The following EFTUD2 variants were observed in gnomAD, a reference collection of about 807,000 sequenced individuals.
EFTUD2 encodes 116 kDa U5 small nuclear ribonucleoprotein component.
In EFTUD2, 9 loss-of-function variants were observed where a neutral mutation model predicts 114.3. That is an observed-to-expected ratio of 0.08 (90% CI 0.05 to 0.14). EFTUD2 has a LOEUF of 0.14. EFTUD2 is among the 10% of genes least tolerant of loss of function. EFTUD2 has a pLI of 1.00. For synonymous variants in EFTUD2, 449 were observed against 462.3 expected (o/e 0.97, Z 0.37); for missense variants, 765 against 1,241.2 (o/e 0.62, Z 5.76).
intron 2 of EFTUD2, 65 bp downstream of exon 2, chr17:44,894,352 G>A (rs550408698): frequency 7.4e-7 from 1 of 1,357,860 alleles, no homozygotes; most frequent in South Asian, 1.2e-5. Context: ...CCTGGCAAGA[G>A]AGTGAGATCT....
Position 44,854,266 on chromosome 17 carries a change from T to C in EFTUD2, c.2347+3A>G, listed in dbSNP as rs2050507033. The C allele has an allele frequency of 1.2e-6, 2 of 1,611,954 alleles. No homozygotes were observed. The highest frequency in any genetic ancestry group is 1.7e-5 in the Admixed American group (1 of 59,660). ...TGGGGTGGGGGAGTGCTGGTGGACTTACATTCATCACAGAGGGGGCCCTCC... is the reference window on the plus strand; with the variant it reads ...TGGGGTGGGGGAGTGCTGGTGGACTCACATTCATCACAGAGGGGGCCCTCC... On this transcript the variant is annotated splice_donor_region_variant and intron_variant, in intron 23 of 27. Transcript: ENST00000426333. The surrounding 1 kb of genome is among the most constrained non-coding windows in gnomAD (Gnocchi z 4.3).
intron 1 of EFTUD2, among the ~76,000 whole-genome samples, chr17:44,896,467 G>A (rs1398391577): frequency 1.3e-5 from 2 of 152,156 alleles, no homozygotes; most frequent in African/African-American, 4.8e-5. Flanking sequence ...CTAACACAGT[G>A]AAACCCCGTC....
At chr17:44,895,924 T>A (rs999827817) in intron 1 of EFTUD2, 1 of 152,244 alleles carries the variant, frequency 6.6e-6, no homozygotes, top group African/African-American at 2.4e-5. Context: ...ATCTTCAGTC[T>A]TTCCTTCCAA....
At chr17:44,859,643 A>G (rs531295956) in intron 18 of EFTUD2, 438 of 344,322 alleles carry the variant, frequency 1.3e-3, no homozygotes, top group Middle Eastern at 5.7e-3. Flanking sequence ...ACAAATACGC[A>G]CACACACACA....
At chr17:44,871,302 G>A (rs568640187) in intron 11 of EFTUD2, among the ~76,000 whole-genome samples, 6 of 151,992 alleles carry the variant, frequency 3.9e-5, no homozygotes, top group Admixed American at 1.3e-4. Flanking sequence ...TGGGATTACA[G>A]GCGTGAGCCA....
intron 14 of EFTUD2, among the ~76,000 whole-genome samples, chr17:44,864,465 T>C (rs562499446): frequency 3.3e-5 from 5 of 152,168 alleles, no homozygotes; most frequent in Non-Finnish European, 7.3e-5. Context: ...TGGCCCAGGG[T>C]CATCTCATGG....
rs186667133 is a variant in EFTUD2 at position 44,854,229 on chromosome 17, A to G, written c.2347+40T>C. 6.4e-7 allele frequency: 1 copy of G among 1,572,690 alleles called. No homozygotes were observed. Among genetic ancestry groups the G allele is most frequent in the Non-Finnish European group, 8.6e-7 (1 of 1,158,368 alleles). On this transcript the variant is annotated intron_variant, in intron 23 of 27. Coordinates refer to ENST00000426333, the MANE Select transcript of EFTUD2 (RefSeq NM_004247.4). This position sits in a 1 kb window ranked among gnomAD's most constrained non-coding sequence, Gnocchi z 4.3. ...CCCACTCATATGCCTGGCTGCAAGG[A>G]CCCTCGAGGACTGGGGTGGGGGAGT...
At chr17:44,884,149 TC>T in intron 4 of EFTUD2, 1 of 166,276 alleles carries the variant, frequency 6.0e-6, no homozygotes, top group Non-Finnish European at 1.3e-5. Context: ...ACGCCTGTAA[TC>T]CCAACACTTT....
intron 24 of EFTUD2, 27 bp from the exon 25 acceptor site, chr17:44,853,417 C>T: frequency 6.2e-6 from 10 of 1,613,948 alleles, no homozygotes; most frequent in Non-Finnish European, 8.5e-6. Flanking sequence ...AGAAAGGCCC[C>T]TCAGCTTGGG....
At position 44,854,176 on chromosome 17, in the gene EFTUD2, T is replaced by G; in HGVS notation, c.2347+93A>C. The G allele has an allele frequency of 6.9e-7, 1 of 1,453,216 alleles. No homozygotes were observed. Among genetic ancestry groups the G allele is most frequent in the East Asian group, 2.3e-5 (1 of 43,366 alleles). 90.0% of individuals were successfully genotyped at this position (1,453,216 alleles called of 1,614,324 possible). On this transcript the variant is annotated intron_variant, in intron 23 of 27. Transcript: ENST00000426333. The surrounding 1 kb of genome is among the most constrained non-coding windows in gnomAD (Gnocchi z 4.3). Reference sequence around the variant, plus strand: ...CCTGTGTACCCCAAGCTGCTTCTCCTGCCGAATCCTAAAGATGGTGAGCCC... The same window carrying G: ...CCTGTGTACCCCAAGCTGCTTCTCCGGCCGAATCCTAAAGATGGTGAGCCC...
rs2050475994 is a variant in EFTUD2 at position 44,852,674 on chromosome 17, A to G, written c.2562-112T>C. On this transcript the variant is annotated intron_variant, in intron 25 of 27. Coordinates refer to ENST00000426333, the MANE Select transcript of EFTUD2 (RefSeq NM_004247.4). Reference sequence around the variant, plus strand: ...CATTCCAGCCCAGAGTTACCATCAAAGAAAGAGTAACCAAGAATGTTCTAC... The same window carrying G: ...CATTCCAGCCCAGAGTTACCATCAAGGAAAGAGTAACCAAGAATGTTCTAC... 3.1e-6 allele frequency: 4 copies of G among 1,285,812 alleles called. No individual in the cohort carries two copies. The East Asian group carries it at 9.6e-5, about 31-fold the overall frequency. The allele number at this position is 1,285,812 out of a possible 1,614,324, so 79.7% of individuals were successfully genotyped here. A position where few individuals can be genotyped will look rare whatever the true frequency, so the allele number is the denominator to read the frequency against.
At chr17:44,860,656 T>TGATTGC in intron 16 of EFTUD2, 113 bp from the exon 17 acceptor site, 3 of 678,362 alleles carry the variant, frequency 4.4e-6, no homozygotes, top group Non-Finnish European at 7.5e-6. Context: ...TGGAGTGCAG[T>TGATTGC]GGCACAATCT....
intron 9 of EFTUD2, among the ~76,000 whole-genome samples, chr17:44,876,770 G>A (rs553154232): frequency 2.0e-4 from 28 of 138,580 alleles, no homozygotes; most frequent in African/African-American, 6.0e-4. Context: ...GGAGAATGGC[G>A]TGAACCCGGG....
At chr17:44,880,676 T>TCC in intron 7 of EFTUD2, 32 bp from the exon 8 acceptor site, 1 of 1,584,050 alleles carries the variant, frequency 6.3e-7, no homozygotes, top group Non-Finnish European at 8.7e-7. Context: ...CAAGACCTCT[T>TCC]CCTATGCAAG....
At chr17:44,860,742 G>A (rs1289373045) in intron 16 of EFTUD2, among the ~76,000 whole-genome samples, 199 bp from the exon 17 acceptor site, 2 of 151,922 alleles carry the variant, frequency 1.3e-5, no homozygotes, top group Non-Finnish European at 2.9e-5. Context: ...TGGGACTACA[G>A]GCACACACTA....
In EFTUD2 at chr17:44,879,545, G is replaced by A; in HGVS notation, c.702+11C>T. On this transcript the variant is annotated intron_variant, in intron 9 of 27. Coordinates refer to ENST00000426333, the MANE Select transcript of EFTUD2 (RefSeq NM_004247.4). Reference sequence around the variant, plus strand: ...AGGTGGATGAGATTCTGGGAGCTGAGTCTGACTCACCCCCTCAGCAGCATC... The same window carrying A: ...AGGTGGATGAGATTCTGGGAGCTGAATCTGACTCACCCCCTCAGCAGCATC... 1 of 1,613,944 alleles carries A rather than the reference G, an allele frequency of 6.2e-7. No individual in the cohort carries two copies. Among genetic ancestry groups the A allele is most frequent in the Non-Finnish European group, 8.5e-7 (1 of 1,179,932 alleles).
chr17:44,880,750 T>C (rs565326561), intron 7 of EFTUD2, 106 bp from the exon 8 acceptor site: 83 of 786,368 alleles, frequency 1.1e-4, no homozygotes, highest in Admixed American at 3.6e-4. Flanking sequence ...CCTCTCCTTA[T>C]AGTGGGTGAT....
In EFTUD2 at chr17:44,864,454, C is replaced by A. The variant is rs532886090; in HGVS notation, c.1285+476G>T. ...ATCAGAGTCATGAAGAATTAGGTGG[C>A]TGGCCCAGGGTCATCTCATGGAATG... is the stretch of plus-strand genomic sequence containing the variant. On this transcript the variant is annotated intron_variant, in intron 14 of 27. Transcript: ENST00000426333. Among the ~76,000 whole-genome samples, 56 of 152,314 alleles carry A rather than the reference C, an allele frequency of 3.7e-4. 1 individual carries two copies. Among genetic ancestry groups the A allele is most frequent in the African/African-American group, 1.2e-3 (50 of 41,554 alleles).
rs574203116 is a variant in EFTUD2 at position 44,862,577 on chromosome 17, C to T, written c.1607+136G>A. ...GAAGAACTTGAAGTCAATAGCCCTG[C>T]GGAGGGAGAGCCACTTTATCCCCTC... On this transcript the variant is annotated intron_variant, in intron 16 of 27. Transcript: ENST00000426333. 49 of 765,422 alleles carry T rather than the reference C, an allele frequency of 6.4e-5. No homozygotes were observed. The African/African-American group carries it at 6.7e-4, about 10-fold the overall frequency. 47.4% of individuals were successfully genotyped at this position (765,422 alleles called of 1,614,324 possible).
Sources: allele counts gnomAD v4.1 joint callset (sites outside exome capture counted in the v4.1 genomes callset), GRCh38; gene constraint gnomAD v4.1.1; non-coding constraint Gnocchi (gnomAD v3.1); transcripts MANE v1.5; gene names NCBI Gene and HGNC (gene_info 2026-07-23, HGNC 2026-07-21).